GGACT: variants seen among roughly 807,000 people sequenced by gnomAD.
The protein encoded by GGACT is gamma-glutamylamine cyclotransferase.
For synonymous variants in GGACT, 118 were observed against 115.3 expected, an observed-to-expected ratio of 1.02 and a Z score of -0.15; for missense variants, 241 against 233.2, an observed-to-expected ratio of 1.03 and a Z score of -0.22.
chr13:100,570,064 C>A (rs1323580285), intron 2 of GGACT, among the ~76,000 whole-genome samples: 1 of 152,204 alleles, frequency 6.6e-6, no homozygotes, highest in Non-Finnish European at 1.5e-5. Flanking sequence ...GTCTTCTGAG[C>A]CCTCCAAGTC....
intron 2 of GGACT, among the ~76,000 whole-genome samples, chr13:100,551,640 C>T (rs1163160620): frequency 1.3e-5 from 2 of 152,144 alleles, no homozygotes. Flanking sequence ...AATCCAGGAC[C>T]CCCAGGCTGT....
chr13:100,579,847 T>A (rs1388546898), intron 2 of GGACT, among the ~76,000 whole-genome samples: 1 of 152,220 alleles, frequency 6.6e-6, no homozygotes, highest in Admixed American at 6.5e-5. Flanking sequence ...CTATTGTTAA[T>A]CTTTGTCATT....
intron 2 of GGACT, among the ~76,000 whole-genome samples, chr13:100,568,573 T>A (rs996641051): frequency 6.6e-6 from 1 of 152,232 alleles, no homozygotes; most frequent in Non-Finnish European, 1.5e-5. Flanking sequence ...TTATGGGAAC[T>A]ACAATTCAAG....
In GGACT at chr13:100,531,789, A is replaced by G. The variant is rs776469746; in HGVS notation, c.*341T>C. The G allele has an allele frequency of 3.2e-5, 6 of 189,628 alleles. No individual in the cohort carries two copies. The highest frequency in any genetic ancestry group is 6.6e-5 in the Admixed American group (1 of 15,062). 11.7% of individuals were successfully genotyped at this position (189,628 alleles called of 1,614,324 possible). ...TCTAGCGGCAACACCAAGTCTTTAC[A>G]CTGATCCTAAATATTTATTATTATC... On this transcript the variant is annotated 3_prime_UTR_variant, in exon 3 of 3. Transcript: ENST00000683975.
At chr13:100,558,833 G>T (rs1048134266) in intron 2 of GGACT, among the ~76,000 whole-genome samples, 1 of 152,142 alleles carries the variant, frequency 6.6e-6, no homozygotes, top group Non-Finnish European at 1.5e-5. Flanking sequence ...AGGTAGCTAG[G>T]GGGAGAGGGG....
chr13:100,569,250 G>A (rs1180404080), intron 2 of GGACT, among the ~76,000 whole-genome samples: 4 of 152,258 alleles, frequency 2.6e-5, no homozygotes, highest in Non-Finnish European at 5.9e-5. Context: ...CCCTAGCAGA[G>A]GTTCTCTATG....
intron 2 of GGACT, among the ~76,000 whole-genome samples, chr13:100,559,932 A>C (rs1470477764): frequency 6.6e-6 from 1 of 152,248 alleles, no homozygotes; most frequent in Non-Finnish European, 1.5e-5. Context: ...GCTTAAACAA[A>C]CTGAGGTGTA....
chr13:100,532,497 G>A lies in GGACT; in HGVS notation c.95C>T (p.Ala32Val), dbSNP rs1412193563. Reference sequence around the variant, plus strand: ...GTAGGGCTCCAGCGTGCGGCCGCGCGCCCGAAAGGCTGCGGAGCCGTGGGC... The same window carrying A: ...GTAGGGCTCCAGCGTGCGGCCGCGCACCCGAAAGGCTGCGGAGCCGTGGGC... ...DGAHGSAAFR[A>V]RGRTLEPYPL... is the part of the protein sequence containing the mutation. The change falls in exon 3 of 3, where the codon GCG becomes GTG. Residue 32 changes from alanine (A) to valine (V), a missense_variant. Ala to Val is a moderately conservative substitution (Grantham distance 64, BLOSUM62 0). Coordinates refer to ENST00000683975, the MANE Select transcript of GGACT (RefSeq NM_001195087.2). 3 of 1,548,580 alleles carry A rather than the reference G, an allele frequency of 1.9e-6. No individual in the cohort carries two copies. The highest frequency in any genetic ancestry group is 2.6e-6 in the Non-Finnish European group (3 of 1,146,144).
At chr13:100,564,007 G>GGTC (rs1409256912) in intron 2 of GGACT, among the ~76,000 whole-genome samples, 1 of 152,182 alleles carries the variant, frequency 6.6e-6, no homozygotes, top group Non-Finnish European at 1.5e-5. Flanking sequence ...GGGCAGTCTC[G>GGTC]GTGCCTGTGG....
At chr13:100,563,356 T>C (rs2088782458) in intron 2 of GGACT, among the ~76,000 whole-genome samples, 1 of 151,844 alleles carries the variant, frequency 6.6e-6, no homozygotes, top group Non-Finnish European at 1.5e-5. Context: ...GTGGAAGAGG[T>C]TTCTTTCTTT....
chr13:100,583,255 C>G (rs2153017462), intron 2 of GGACT, among the ~76,000 whole-genome samples: 1 of 152,174 alleles, frequency 6.6e-6, no homozygotes, highest in Non-Finnish European at 1.5e-5. Flanking sequence ...TTAAAATGGG[C>G]AAGTCTTTCT....
intron 2 of GGACT, among the ~76,000 whole-genome samples, chr13:100,577,074 G>A (rs1255947448): frequency 6.6e-6 from 1 of 152,156 alleles, no homozygotes; most frequent in African/African-American, 2.4e-5. Flanking sequence ...AAATACAATA[G>A]ATGGGATTTA....
intron 2 of GGACT, among the ~76,000 whole-genome samples, chr13:100,552,404 A>G (rs1360798619): frequency 4.6e-5 from 7 of 152,134 alleles, no homozygotes; most frequent in African/African-American, 1.4e-4. Context: ...ACCCCCCAAC[A>G]TACTCTGTGG....
At chr13:100,583,297 G>C (rs1405876103) in intron 2 of GGACT, among the ~76,000 whole-genome samples, 2 of 152,086 alleles carry the variant, frequency 1.3e-5, no homozygotes, top group Non-Finnish European at 2.9e-5. Context: ...CACTATAAAG[G>C]GGAGATCGAT....
intron 2 of GGACT, among the ~76,000 whole-genome samples, chr13:100,562,435 C>T (rs1311414570): frequency 6.6e-6 from 1 of 152,208 alleles, no homozygotes; most frequent in Admixed American, 6.5e-5. Context: ...CACCCACCTT[C>T]ACAGCACTCA....
intron 2 of GGACT, among the ~76,000 whole-genome samples, chr13:100,578,457 G>A (rs1371447260): frequency 2.6e-5 from 4 of 152,190 alleles, no homozygotes; most frequent in Non-Finnish European, 5.9e-5. Flanking sequence ...CGAGCTTCTG[G>A]CAAGCTCCCA....
intron 2 of GGACT, chr13:100,536,324 C>T (rs1434398273): frequency 1.3e-5 from 2 of 152,078 alleles, no homozygotes; most frequent in Non-Finnish European, 2.9e-5. Context: ...CCCCTCCTTC[C>T]TCTCTGTTCT....
At chr13:100,536,505 GTGTT>G (rs1405039148) in intron 2 of GGACT, 1 of 142,636 alleles carries the variant, frequency 7.0e-6, no homozygotes, top group East Asian at 2.1e-4. Context: ...TTCTTGTTGT[GTGTT>G]TTTTTTTTCA....
At position 100,549,294 on chromosome 13, in the gene GGACT, G is replaced by A. The variant is rs1485829714; in HGVS notation, c.-10-16693C>T. 3.3e-5 allele frequency among the ~76,000 whole-genome samples: 5 copies of A among 152,212 alleles called. No individual in the cohort carries two copies. In the East Asian group the frequency reaches 7.7e-4, roughly 23 times the overall value. On this transcript the variant is annotated intron_variant, in intron 2 of 2. Transcript: ENST00000683975. ...GCGGAGGTTGCAGTGAGCCGAGATT[G>A]TGCCATTGCACTCCAGCCTGGGCAA... is the stretch of plus-strand genomic sequence containing the variant.
Sources: gnomAD v4.1 joint callset for allele counts (sites outside exome capture counted in the v4.1 genomes callset) on GRCh38, gnomAD v4.1.1 for gene constraint, MANE v1.5 for transcripts, NCBI Gene and HGNC (gene_info 2026-07-23, HGNC 2026-07-21) for gene names.